The following ST3GAL6 variants were observed in gnomAD, a reference collection of about 807,000 sequenced individuals.
The protein encoded by ST3GAL6 is ST3 beta-galactoside alpha-2,3-sialyltransferase 6, also known as type 2 lactosamine alpha-2,3-sialyltransferase.
In ST3GAL6, 31 loss-of-function variants were observed where a neutral mutation model predicts 40.5. The observed-to-expected ratio is 0.77, with a 90% CI of 0.58 to 1.03. ST3GAL6 has a LOEUF of 1.03. Among genes scored for constraint, ST3GAL6 ranks in the 50% least tolerant of loss-of-function variants. The pLI is 0.00. For missense variants in ST3GAL6, 357 were observed against 393.2 expected (o/e 0.91, Z 0.78); for synonymous variants, 129 against 136.9 (o/e 0.94, Z 0.40).
chr3:98,762,395 T>G (rs1483969336), upstream of ST3GAL6, among the ~76,000 whole-genome samples: 1 of 152,270 alleles, frequency 6.6e-6, no homozygotes, highest in East Asian at 1.9e-4. Context: ...TTTTCTTAAC[T>G]TGTATTAAAT....
intron 9 of ST3GAL6, 53 bp from the exon 10 acceptor site, chr3:98,793,622 C>A: frequency 2.5e-6 from 3 of 1,214,150 alleles, no homozygotes; most frequent in Non-Finnish European, 2.3e-6. Flanking sequence ...ATTGGTGCTG[C>A]TAATACTTTG....
At chr3:98,748,321 C>T (rs1936717819) in intron 1 of ST3GAL6, among the ~76,000 whole-genome samples, 1 of 152,222 alleles carries the variant, frequency 6.6e-6, no homozygotes, top group Non-Finnish European at 1.5e-5. Flanking sequence ...TTCTCTAGGT[C>T]TCAGTCTCCT....
At chr3:98,778,569 C>T (rs1277422405) in intron 5 of ST3GAL6, among the ~76,000 whole-genome samples, 1 of 152,216 alleles carries the variant, frequency 6.6e-6, no homozygotes, top group Non-Finnish European at 1.5e-5. Context: ...TGCCTGCTTT[C>T]TAGCATCGGC....
chr3:98,776,739 CT>C, intron 5 of ST3GAL6, among the ~76,000 whole-genome samples: 1 of 152,294 alleles, frequency 6.6e-6, no homozygotes, highest in South Asian at 2.1e-4. Flanking sequence ...ATTTTCCTTG[CT>C]TTTTATTCTC....
intron 1 of ST3GAL6, among the ~76,000 whole-genome samples, chr3:98,741,020 A>G (rs1190202355): frequency 6.6e-6 from 1 of 151,408 alleles, no homozygotes; most frequent in Non-Finnish European, 1.5e-5. Context: ...GCTATTATAA[A>G]GGGATCCATG....
chr3:98,779,771 C>T (rs563772124), intron 5 of ST3GAL6, among the ~76,000 whole-genome samples: 26 of 152,132 alleles, frequency 1.7e-4, no homozygotes, highest in Non-Finnish European at 3.2e-4. Flanking sequence ...TTAGAGCATA[C>T]GCATTTTCCT....
intron 1 of ST3GAL6, among the ~76,000 whole-genome samples, chr3:98,738,446 T>A (rs1290326292): frequency 2.0e-5 from 3 of 152,072 alleles, no homozygotes; most frequent in East Asian, 1.9e-4. Flanking sequence ...GCTGATTTTT[T>A]AAAAAATTAT....
intron 1 of ST3GAL6, among the ~76,000 whole-genome samples, chr3:98,735,845 T>A (rs529487204): frequency 6.6e-6 from 1 of 152,340 alleles, no homozygotes; most frequent in South Asian, 2.1e-4. Context: ...CAATTCCATA[T>A]CAGGATGTCA....
rs540853991 is a variant in ST3GAL6 at position 98,733,620 on chromosome 3, G to A, written c.-12+1088G>A. 1.3e-4 allele frequency: 129 copies of A among 985,046 alleles called. 1 individual carries two copies. The South Asian group carries it at 2.4e-3, about 19-fold the overall frequency. 61.0% of individuals were successfully genotyped at this position (985,046 alleles called of 1,614,324 possible). A position where few individuals can be genotyped will look rare whatever the true frequency, so the allele number is the denominator to read the frequency against. Reference sequence around the variant, plus strand: ...AGTAAATTGCAGTGTTTGGGCTGCTGTTAATTTTCAAGATAAGGGAGAAGC... The same window carrying A: ...AGTAAATTGCAGTGTTTGGGCTGCTATTAATTTTCAAGATAAGGGAGAAGC... On this transcript the variant is annotated intron_variant, in intron 1 of 9. Transcript: ENST00000265261.
chr3:98,762,071 T>C (rs534651575), upstream of ST3GAL6, among the ~76,000 whole-genome samples: 5 of 119,730 alleles, frequency 4.2e-5, no homozygotes, highest in East Asian at 9.3e-4. Flanking sequence ...TCTGTCTACA[T>C]GTGCTAAGGA....
chr3:98,753,513 T>C (rs140747702), intron 1 of ST3GAL6, among the ~76,000 whole-genome samples: 1 of 152,242 alleles, frequency 6.6e-6, no homozygotes, highest in Admixed American at 6.5e-5. Flanking sequence ...TGGAAGAAGA[T>C]GGCTTCTGGG....
intron 1 of ST3GAL6, among the ~76,000 whole-genome samples, chr3:98,755,829 G>A (rs1053464012): frequency 6.6e-6 from 1 of 150,496 alleles, no homozygotes; most frequent in Non-Finnish European, 1.5e-5. Flanking sequence ...TTTTTAGAAA[G>A]TAGCCCACGG....
intron 8 of ST3GAL6, among the ~76,000 whole-genome samples, chr3:98,788,926 G>A (rs1249915010): frequency 6.6e-6 from 1 of 152,240 alleles, no homozygotes; most frequent in Non-Finnish European, 1.5e-5. Flanking sequence ...GGACAATAAA[G>A]TAGTCCAGAA....
At chr3:98,734,485 G>A (rs1420108941) in intron 1 of ST3GAL6, among the ~76,000 whole-genome samples, 1 of 152,100 alleles carries the variant, frequency 6.6e-6, no homozygotes, top group Non-Finnish European at 1.5e-5. Flanking sequence ...CTGTTCTTGT[G>A]GTCATGTAGA....
At chr3:98,775,492 A>G (rs1939459030) in intron 5 of ST3GAL6, among the ~76,000 whole-genome samples, 1 of 145,392 alleles carries the variant, frequency 6.9e-6, no homozygotes. Flanking sequence ...AAAAAAAAAG[A>G]TAATTGTGAG....
At chr3:98,772,094 C>A (rs1156514293) in intron 3 of ST3GAL6, 2 of 152,024 alleles carry the variant, frequency 1.3e-5, no homozygotes, top group Non-Finnish European at 2.9e-5. Context: ...AAAAAGATAT[C>A]CTTTCCTTTC....
intron 1 of ST3GAL6, chr3:98,733,685 C>A: frequency 1.1e-5 from 8 of 743,898 alleles, no homozygotes; most frequent in Non-Finnish European, 1.3e-5. Flanking sequence ...GAGATCCCGG[C>A]AATCTCAAGC....
intron 8 of ST3GAL6, among the ~76,000 whole-genome samples, chr3:98,789,701 ATTT>A (rs1392788592): frequency 5.9e-5 from 9 of 152,216 alleles, no homozygotes; most frequent in African/African-American, 2.2e-4. Flanking sequence ...CTTCCTAGTA[ATTT>A]TGAGGGTAAA....
At chr3:98,777,768 C>T (rs1939692737) in intron 5 of ST3GAL6, among the ~76,000 whole-genome samples, 1 of 152,196 alleles carries the variant, frequency 6.6e-6, no homozygotes, top group Non-Finnish European at 1.5e-5. Flanking sequence ...TTCTCATGGA[C>T]ACAGGCTCTT....
Sources: allele counts gnomAD v4.1 joint callset (sites outside exome capture counted in the v4.1 genomes callset), GRCh38; gene constraint gnomAD v4.1.1; transcripts MANE v1.5; gene names NCBI Gene and HGNC (gene_info 2026-07-23, HGNC 2026-07-21).